The following PAK1 variants were observed in gnomAD, a reference collection of about 807,000 sequenced individuals.
The protein encoded by PAK1 is p21 (RAC1) activated kinase 1, also known as serine/threonine-protein kinase PAK 1.
Under a neutral mutation model 67.4 loss-of-function variants are expected in PAK1, and 29 were observed. The ratio of observed to expected loss-of-function variants is 0.43; its 90% CI spans 0.32 to 0.59. PAK1 has a LOEUF of 0.59. Ranked by LOEUF, PAK1 falls within the 20% of genes least tolerant of loss-of-function variation. The pLI is 0.07. For missense variants in PAK1, 337 were observed against 670.7 expected, an observed-to-expected ratio of 0.50 and a Z score of 5.50; for synonymous variants, 223 against 237.4, an observed-to-expected ratio of 0.94 and a Z score of 0.56.
intron 3 of PAK1, 166 bp from the exon 4 acceptor site, chr11:77,379,554 T>C (rs531620862): frequency 9.3e-5 from 58 of 626,074 alleles, no homozygotes; most frequent in Non-Finnish European, 1.4e-4. Flanking sequence ...ATAATATCTT[T>C]CTCATTGAAT....
intron 5 of PAK1, among the ~76,000 whole-genome samples, chr11:77,372,322 A>C (rs1948550188): frequency 6.6e-6 from 1 of 152,180 alleles, no homozygotes; most frequent in African/African-American, 2.4e-5. Context: ...AATCAGGGGA[A>C]AGCAGTATAG....
chr11:77,476,609 A>C (rs1402771492), upstream of PAK1: 1 of 152,250 alleles, frequency 6.6e-6, no homozygotes, highest in Non-Finnish European at 1.5e-5. Context: ...GGAAAGGAAG[A>C]GATGGTATCC....
chr11:77,488,354 A>G, the PAK1 span, among the ~76,000 whole-genome samples: 6 of 152,224 alleles, frequency 3.9e-5, no homozygotes, highest in Non-Finnish European at 2.9e-5. Flanking sequence ...GAAGACCACA[A>G]TAAATGCTTA....
the PAK1 span, among the ~76,000 whole-genome samples, chr11:77,493,215 C>T: frequency 6.6e-6 from 1 of 151,618 alleles, no homozygotes; most frequent in African/African-American, 2.4e-5. Flanking sequence ...CCTCCCACCT[C>T]GGCCTCCCAA....
At chr11:77,341,125 T>G (rs1943533062) in intron 10 of PAK1, among the ~76,000 whole-genome samples, 1 of 152,064 alleles carries the variant, frequency 6.6e-6, no homozygotes, top group Non-Finnish European at 1.5e-5. Flanking sequence ...TCCAAACATT[T>G]GACAAAGATA....
At chr11:77,372,786 T>A (rs971461001) in intron 5 of PAK1, among the ~76,000 whole-genome samples, 9 of 152,214 alleles carry the variant, frequency 5.9e-5, no homozygotes, top group African/African-American at 2.2e-4. Flanking sequence ...CCCACATACA[T>A]GCTATTCTCT....
At chr11:77,455,579 C>A (rs200929227) in intron 1 of PAK1, among the ~76,000 whole-genome samples, 28 of 152,110 alleles carry the variant, frequency 1.8e-4, no homozygotes, top group African/African-American at 6.7e-4. Context: ...GAAGCCCAGC[C>A]GGGTCCATTT....
rs928525174 is a variant in PAK1, at chr11:77,359,095, C to T, written c.478-78G>A. The stretch of plus-strand genomic sequence containing the variant: ...ACTATCAGGATCACCAAACCTCCCA[C>T]GAGAAACCCCATCCTGATATCCCTT... On this transcript the variant is annotated intron_variant, in intron 5 of 14. Transcript: ENST00000356341. 68 of 1,340,216 alleles carry T rather than the reference C, an allele frequency of 5.1e-5. No individual in the cohort carries two copies. The African/African-American group carries it at 7.4e-4, about 15-fold the overall frequency. The allele number at this position is 1,340,216 out of a possible 1,614,324, so 83.0% of individuals were successfully genotyped here.
chr11:77,489,745 TCA>T, the PAK1 span, among the ~76,000 whole-genome samples: 1 of 151,532 alleles, frequency 6.6e-6, no homozygotes, highest in Non-Finnish European at 1.5e-5. Context: ...TCTCGTTCAC[TCA>T]GTGCTCAATG....
intron 2 of PAK1, among the ~76,000 whole-genome samples, chr11:77,384,310 TA>T (rs1950192568): frequency 6.6e-6 from 1 of 151,912 alleles, no homozygotes; most frequent in African/African-American, 2.4e-5. Flanking sequence ...ATGGAGAAAA[TA>T]AAGCAAACCT....
the PAK1 span, among the ~76,000 whole-genome samples, chr11:77,519,649 C>T: frequency 6.6e-6 from 1 of 152,134 alleles, no homozygotes; most frequent in Non-Finnish European, 1.5e-5. Context: ...CTAATTCTAT[C>T]ATTCCTACCA....
chr11:77,502,908 C>T, the PAK1 span, among the ~76,000 whole-genome samples: 3 of 152,130 alleles, frequency 2.0e-5, no homozygotes, highest in Non-Finnish European at 4.4e-5. Context: ...TTTCAAGCCT[C>T]TTTTCTTTTT....
chr11:77,412,913 A>G (rs529711519), intron 1 of PAK1, among the ~76,000 whole-genome samples: 55 of 152,334 alleles, frequency 3.6e-4, no homozygotes, highest in African/African-American at 1.3e-3. Context: ...ATTGTGATGG[A>G]ACCTGAGCTG....
chr11:77,512,099 A>C, the PAK1 span, among the ~76,000 whole-genome samples: 1 of 152,188 alleles, frequency 6.6e-6, no homozygotes, highest in Non-Finnish European at 1.5e-5. Context: ...CCAGTGGGGA[A>C]GGAAAGCAGG....
At chr11:77,474,413 C>T (rs1958022157), upstream of PAK1, 1 of 152,186 alleles carries the variant, frequency 6.6e-6, no homozygotes, top group Admixed American at 6.5e-5. Context: ...GACGTCATCG[C>T]GTCGCGTCAC....
chr11:77,430,929 C>T (rs961713170), intron 1 of PAK1, among the ~76,000 whole-genome samples: 1 of 152,178 alleles, frequency 6.6e-6, no homozygotes, highest in African/African-American at 2.4e-5. Context: ...AGCTCCACCT[C>T]CTGTCAGATC....
intron 1 of PAK1, among the ~76,000 whole-genome samples, chr11:77,408,769 G>A (rs752099764): frequency 5.9e-5 from 9 of 152,042 alleles, no homozygotes; most frequent in Admixed American, 3.3e-4. Context: ...TATATAAGGC[G>A]CTCAAACAAC....
chr11:77,410,181 T>C (rs1954289961), intron 1 of PAK1, among the ~76,000 whole-genome samples: 1 of 152,132 alleles, frequency 6.6e-6, no homozygotes, highest in Non-Finnish European at 1.5e-5. Context: ...CCAGAGTTTC[T>C]GGTCCTCCCA....
the PAK1 span, among the ~76,000 whole-genome samples, chr11:77,515,685 C>T: frequency 6.6e-6 from 1 of 152,204 alleles, no homozygotes; most frequent in Non-Finnish European, 1.5e-5. Flanking sequence ...AGTGTCTCCT[C>T]CTTCAACATT....
Sources: gnomAD v4.1 joint callset for allele counts (sites outside exome capture counted in the v4.1 genomes callset) on GRCh38, gnomAD v4.1.1 for gene constraint, MANE v1.5 for transcripts, NCBI Gene and HGNC (gene_info 2026-07-23, HGNC 2026-07-21) for gene names.